Variants in UNC79 observed in about 807,000 individuals in gnomAD.
UNC79 encodes the protein unc-79 subunit of NALCN channel complex.
Under a neutral mutation model 283.1 loss-of-function variants are expected in UNC79, and 37 were observed. The observed-to-expected ratio is 0.13, with a 90% CI of 0.10 to 0.17. UNC79 has a LOEUF of 0.17. Among genes scored for constraint, UNC79 ranks in the 10% least tolerant of loss-of-function variants. The probability of loss-of-function intolerance (pLI) is 1.00; values close to 1 mark genes in which losing one functional copy is unlikely to be tolerated. For missense variants in UNC79, 2,272 were observed against 3,211.1 expected, an observed-to-expected ratio of 0.71 and a Z score of 7.07; for synonymous variants, 1,107 against 1,200.2, an observed-to-expected ratio of 0.92 and a Z score of 1.61.
chr14:93,656,829 T>C (rs2070994049), intron 38 of UNC79, among the ~76,000 whole-genome samples: 1 of 152,112 alleles, frequency 6.6e-6, no homozygotes, highest in African/African-American at 2.4e-5. Context: ...CAGAGTGAGA[T>C]CTTGTTTCAA....
intron 1 of UNC79, chr14:93,437,641 A>C (rs2056137545): frequency 6.6e-6 from 1 of 152,376 alleles, no homozygotes; most frequent in South Asian, 2.1e-4. Context: ...AGAAGTCTGA[A>C]ATCAAAGCGT....
intron 1 of UNC79, among the ~76,000 whole-genome samples, chr14:93,341,397 T>C (rs1053599979): frequency 6.6e-6 from 1 of 151,882 alleles, no homozygotes; most frequent in Non-Finnish European, 1.5e-5. Flanking sequence ...GCAGAGGTTG[T>C]AGTGAGCTGA....
rs965520220 is a variant in UNC79, at chr14:93,353,073, A to G, written c.-351+19550A>G. 3.3e-5 allele frequency among the ~76,000 whole-genome samples: 5 copies of G among 152,316 alleles called. No homozygotes were observed. In the East Asian group the frequency reaches 7.7e-4, roughly 23 times the overall value. On this transcript the variant is annotated intron_variant, in intron 1 of 49. Coordinates refer to the UNC79 transcript ENST00000256339. ...AGCCTTCAATCAGCTGAGCTTCCTT[A>G]TTCCACTGTTCCCACCACACCTTGA...
At chr14:93,622,827 A>C (rs912623968) in exon 30 of UNC79, 2 of 1,613,210 alleles carry the variant, frequency 1.2e-6, no homozygotes, top group African/African-American at 1.3e-5. Context: ...AAACTGGGAG[A>C]ACAGAAAGAT....
chr14:93,359,207 G>A (rs538580713), intron 1 of UNC79, among the ~76,000 whole-genome samples: 1 of 152,324 alleles, frequency 6.6e-6, no homozygotes, highest in South Asian at 2.1e-4. Flanking sequence ...CACTGCAAGT[G>A]AGCTGGAAAT....
chr14:93,666,752 G>A (rs914418268), intron 40 of UNC79, among the ~76,000 whole-genome samples: 1 of 152,076 alleles, frequency 6.6e-6, no homozygotes, highest in Non-Finnish European at 1.5e-5. Flanking sequence ...TGGATGCAAC[G>A]GTCATATAAA....
intron 7 of UNC79, among the ~76,000 whole-genome samples, chr14:93,515,286 GT>G: frequency 6.6e-6 from 1 of 151,878 alleles, no homozygotes; most frequent in Non-Finnish European, 1.5e-5. Flanking sequence ...GTGTGTGTGT[GT>G]GTGTATTTCC....
intron 24 of UNC79, among the ~76,000 whole-genome samples, chr14:93,598,670 C>T (rs774506821): frequency 4.6e-5 from 7 of 152,092 alleles, no homozygotes; most frequent in African/African-American, 7.2e-5. Context: ...TACAGGCTTA[C>T]GCCGCCACGC....
chr14:93,600,665 G>C, exon 25 of UNC79: 1 of 1,613,844 alleles, frequency 6.2e-7, no homozygotes, highest in South Asian at 1.1e-5. Context: ...TCTTAAGCAG[G>C]ATATTCCTGC....
At chr14:93,388,372 CCTCT>C (rs1468917343) in intron 1 of UNC79, among the ~76,000 whole-genome samples, 3 of 152,180 alleles carry the variant, frequency 2.0e-5, no homozygotes, top group African/African-American at 4.8e-5. Context: ...TTCCTTCCTT[CCTCT>C]CTTTCTCCCT....
At chr14:93,609,576 T>G (rs1190858778) in intron 26 of UNC79, among the ~76,000 whole-genome samples, 1 of 152,224 alleles carries the variant, frequency 6.6e-6, no homozygotes, top group African/African-American at 2.4e-5. Context: ...TTTAACATGT[T>G]AAATCTCTAT....
intron 4 of UNC79, among the ~76,000 whole-genome samples, chr14:93,480,047 C>G (rs956944833): frequency 1.3e-5 from 2 of 152,220 alleles, no homozygotes; most frequent in African/African-American, 2.4e-5. Flanking sequence ...TAAGATTGAT[C>G]AAGTATTGTG....
In UNC79 at chr14:93,621,648, A is replaced by T. The variant is rs754235968; in HGVS notation, c.4415A>T (p.Glu1472Val). The change falls in exon 30 of 49, where the codon GAG becomes GTG. Residue 1472 changes from glutamate (E) to valine (V), a missense_variant. Physicochemically the swap from Glu to Val is moderately radical, Grantham distance 121 (BLOSUM62 -2). Around this residue, in one of 11 missense-constraint regions of UNC79, gnomAD observed 580 missense variants for 632.2 expected, o/e 0.92. Transcript: ENST00000555664. This position sits in a 1 kb window ranked among gnomAD's most constrained non-coding sequence, Gnocchi z 4.8. ...GAAATAGAACTGGCTGAATATAGAG[A>T]GACGGGTGCATTACAAGACAGCCTT... is the stretch of plus-strand genomic sequence containing the variant. 33 of 1,586,382 alleles carry T rather than the reference A, an allele frequency of 2.1e-5. No individual in the cohort carries two copies. The highest frequency in any genetic ancestry group is 2.7e-5 in the African/African-American group (2 of 73,492).
At chr14:93,346,053 C>G (rs552661444) in intron 1 of UNC79, among the ~76,000 whole-genome samples, 1 of 151,332 alleles carries the variant, frequency 6.6e-6, no homozygotes, top group East Asian at 1.9e-4. Flanking sequence ...GTTCTATAAC[C>G]ATTCAAATTA....
chr14:93,614,195 C>T (rs1245422704), intron 27 of UNC79, among the ~76,000 whole-genome samples: 1 of 152,040 alleles, frequency 6.6e-6, no homozygotes, highest in Non-Finnish European at 1.5e-5. Flanking sequence ...ATTGTGTAAC[C>T]ATCACAAGCA....
At chr14:93,433,349 A>G (rs1377984126) in intron 1 of UNC79, among the ~76,000 whole-genome samples, 2 of 152,212 alleles carry the variant, frequency 1.3e-5, no homozygotes, top group Non-Finnish European at 1.5e-5. Flanking sequence ...TTCTGTTAAT[A>G]TGCACTAACA....
At chr14:93,379,355 T>A (rs1364055361) in intron 1 of UNC79, among the ~76,000 whole-genome samples, 1 of 152,170 alleles carries the variant, frequency 6.6e-6, no homozygotes, top group Non-Finnish European at 1.5e-5. Context: ...AGTCATCATC[T>A]GTAATTAAGC....
At chr14:93,521,639 A>G (rs1204260844) in intron 7 of UNC79, among the ~76,000 whole-genome samples, 3 of 151,702 alleles carry the variant, frequency 2.0e-5, no homozygotes, top group African/African-American at 4.8e-5. Flanking sequence ...CCAGTTTCTG[A>G]AAATAGTGTT....
At chr14:93,618,426 G>A in intron 29 of UNC79, 72 bp downstream of exon 30, 2 of 1,381,632 alleles carry the variant, frequency 1.4e-6, no homozygotes, top group East Asian at 2.7e-5. Context: ...TTTCTTAGGA[G>A]ATAGAAGAGT....
Sources: gnomAD v4.1 joint callset for allele counts (sites outside exome capture counted in the v4.1 genomes callset) on GRCh38, gnomAD v4.1.1 for gene constraint, gnomAD v4.1.1 regional missense constraint, Gnocchi (gnomAD v3.1) non-coding constraint, MANE v1.5 for transcripts, NCBI Gene and HGNC (gene_info 2026-07-23, HGNC 2026-07-21) for gene names.